The following PAXBP1 variants were observed in gnomAD, a reference collection of about 807,000 sequenced individuals.
PAXBP1 encodes PAX3 and PAX7 binding protein 1.
A neutral mutation model predicts 119.9 loss-of-function variants in PAXBP1; 44 were observed. The observed-to-expected ratio is 0.37, with a 90% CI of 0.29 to 0.47. PAXBP1 has a LOEUF of 0.47. Ranked by LOEUF, PAXBP1 falls within the 20% of genes least tolerant of loss-of-function variation. The probability of loss-of-function intolerance (pLI) is 0.99; values close to 1 mark genes in which losing one functional copy is unlikely to be tolerated. For missense variants in PAXBP1, 898 were observed against 1,134.1 expected (o/e 0.79, Z 2.99); for synonymous variants, 393 against 406.6 (o/e 0.97, Z 0.40).
intron 17 of PAXBP1, among the ~76,000 whole-genome samples, chr21:32,736,369 A>C (rs1030560501): frequency 1.3e-5 from 2 of 152,034 alleles, no homozygotes; most frequent in African/African-American, 4.8e-5. Flanking sequence ...TTGTATTTTT[A>C]GTAGAAACAG....
At chr21:32,742,074 G>A (rs2043794842) in intron 15 of PAXBP1, among the ~76,000 whole-genome samples, 1 of 152,142 alleles carries the variant, frequency 6.6e-6, no homozygotes, top group Non-Finnish European at 1.5e-5. Flanking sequence ...CTGGGAGGTG[G>A]CCAGGGGCTT....
intron 16 of PAXBP1, 179 bp from the exon 17 acceptor site, chr21:32,737,587 T>A: frequency 2.2e-6 from 1 of 462,082 alleles, no homozygotes; most frequent in Non-Finnish European, 3.6e-6. Context: ...TAAACCAATA[T>A]ACCTAAATTT....
rs568437930 is a variant in PAXBP1 at position 32,749,581 on chromosome 21, G to T, written c.1724-883C>A. 2.6e-5 allele frequency among the ~76,000 whole-genome samples: 4 copies of T among 152,176 alleles called. No homozygotes were observed. In the East Asian group the frequency reaches 7.7e-4, roughly 29 times the overall value. ...AGATAAAGTTCTGAGAACCTTTACT[G>T]CAAGATCAATCTTAACATTGCTAAT... On this transcript the variant is annotated intron_variant, in intron 10 of 17. Coordinates refer to ENST00000331923, the MANE Select transcript of PAXBP1 (RefSeq NM_016631.4).
At chr21:32,753,956 C>T (rs2044003256) in intron 8 of PAXBP1, among the ~76,000 whole-genome samples, 1 of 152,164 alleles carries the variant, frequency 6.6e-6, no homozygotes, top group South Asian at 2.1e-4. Flanking sequence ...CCCCAGAAAT[C>T]TGGTTCTGTC....
intron 11 of PAXBP1, among the ~76,000 whole-genome samples, chr21:32,746,220 G>A (rs1437013424): frequency 1.3e-5 from 2 of 152,102 alleles, no homozygotes; most frequent in Non-Finnish European, 2.9e-5. Context: ...AAGATTTCAC[G>A]ACAAAAACAC....
chr21:32,747,913 T>C (rs1385571310), intron 11 of PAXBP1, among the ~76,000 whole-genome samples: 2 of 151,760 alleles, frequency 1.3e-5, no homozygotes, highest in South Asian at 2.1e-4. Flanking sequence ...GCCCCCGAAG[T>C]AGCTAGGAAT....
chr21:32,760,898 C>CGTGTGTGTGTGT (rs759882630), intron 5 of PAXBP1, among the ~76,000 whole-genome samples, 161 bp downstream of exon 5: 12 of 121,596 alleles, frequency 9.9e-5, no homozygotes, highest in African/African-American at 3.2e-4. Flanking sequence ...TGTGTGCGTG[C>CGTGTGTGTGTGT]GTGCGTGTGT....
Position 32,767,692 on chromosome 21 carries a change from T to C in PAXBP1, c.472+2122A>G, listed in dbSNP as rs1048671998. On this transcript the variant is annotated intron_variant, in intron 2 of 17. Coordinates refer to ENST00000331923, the MANE Select transcript of PAXBP1 (RefSeq NM_016631.4). The stretch of plus-strand genomic sequence containing the variant: ...CCGCTTTTGCTTCCTCCTCATTTTC[T>C]CTTGCTGCCGCCATGTAAAAAGTGC... Among the ~76,000 whole-genome samples, 10 of 152,318 alleles carry C rather than the reference T, an allele frequency of 6.6e-5. 1 individual carries two copies. In the South Asian group the frequency reaches 8.3e-4, roughly 13 times the overall value.
At chr21:32,767,386 G>C (rs555816812) in intron 2 of PAXBP1, among the ~76,000 whole-genome samples, 2 of 152,180 alleles carry the variant, frequency 1.3e-5, no homozygotes, top group Admixed American at 1.3e-4. Context: ...CTAGTGAGTG[G>C]AGTATCAGAA....
At chr21:32,753,424 T>A (rs1049428345) in intron 8 of PAXBP1, among the ~76,000 whole-genome samples, 3 of 48,616 alleles carry the variant, frequency 6.2e-5, no homozygotes, top group Admixed American at 2.9e-4. Flanking sequence ...AGACTCCGTC[T>A]CAAAAAAAAA....
chr21:32,736,516 T>C (rs1225172513), intron 17 of PAXBP1, among the ~76,000 whole-genome samples: 9 of 152,120 alleles, frequency 5.9e-5, no homozygotes, highest in African/African-American at 2.2e-4. Context: ...TTTAATTTTA[T>C]TGTGGAAAAA....
At chr21:32,771,196 C>T (rs1409052021) in intron 1 of PAXBP1, 130 bp downstream of exon 1, 3 of 886,894 alleles carry the variant, frequency 3.4e-6, no homozygotes, top group Non-Finnish European at 4.7e-6. Context: ...GGAAGATTCG[C>T]AGCCGGTCGG....
Position 32,771,709 on chromosome 21 carries a change from C to A in PAXBP1, c.-41G>T, listed in dbSNP as rs1380498634. ...GGCGGTCGAATACTCGCTTCCACAC[C>A]GCGGCCCCGGCAGCGCCGAGCTCGT... is the stretch of plus-strand genomic sequence containing the variant. On this transcript the variant is annotated 5_prime_UTR_variant, in exon 1 of 18. Transcript: ENST00000331923. 3.0e-6 allele frequency: 4 copies of A among 1,343,756 alleles called. No individual in the cohort carries two copies. The African/African-American group carries it at 6.1e-5, about 21-fold the overall frequency. 83.2% of individuals were successfully genotyped at this position (1,343,756 alleles called of 1,614,324 possible).
Position 32,771,533 on chromosome 21 carries a change from C to A in PAXBP1, c.136G>T (p.Gly46Cys). ...TCCCCGCCAGGGGCCCTGTCGCCGC[C>A]ACCGGGGCCCGCCTCTTCGCCCGTG... ...PGTGEEAGPG[G>C]GDRAPGGESL... Residue 46 changes from glycine (G) to cysteine (C), a missense_variant, in exon 1 of 18, where the codon GGC becomes TGC. Physicochemically the swap from Gly to Cys is radical, Grantham distance 159. Transcript: ENST00000331923. The A allele has an allele frequency of 7.4e-7, 1 of 1,353,760 alleles. No homozygotes were observed. The highest frequency in any genetic ancestry group is 9.4e-7 in the Non-Finnish European group (1 of 1,059,178). 83.9% of individuals were successfully genotyped at this position (1,353,760 alleles called of 1,614,324 possible).
intron 15 of PAXBP1, among the ~76,000 whole-genome samples, chr21:32,740,625 A>G (rs1016340789): frequency 2.0e-5 from 3 of 152,198 alleles, no homozygotes; most frequent in African/African-American, 7.2e-5. Flanking sequence ...TAAATGTAAA[A>G]CCTAAAACTA....
chr21:32,759,976 C>A lies in PAXBP1; in HGVS notation c.994G>T (p.Ala332Ser). The A allele has an allele frequency of 6.2e-7, 1 of 1,613,556 alleles. No homozygotes were observed. Among genetic ancestry groups the A allele is most frequent in the Non-Finnish European group, 8.5e-7 (1 of 1,179,654 alleles). The change falls in exon 6 of 18, where the codon GCA becomes TCA. Residue 332 changes from alanine (A) to serine (S), a missense_variant. Ala to Ser is a moderately conservative substitution (Grantham distance 99, BLOSUM62 1). Around this residue, in one of 2 missense-constraint regions of PAXBP1, gnomAD observed 599 missense variants for 852.7 expected, o/e 0.70. Transcript: ENST00000331923. ...NIPQVQASQP[A>S]EVNMYYQNTY... ...TTCTGGTAGTACATATTCACTTCTG[C>A]GGGTTGACTGGCTTGAACCTAGAAA...
At chr21:32,761,741 C>T (rs1045168945) in intron 4 of PAXBP1, among the ~76,000 whole-genome samples, 28 of 151,916 alleles carry the variant, frequency 1.8e-4, no homozygotes, top group Admixed American at 6.6e-5. Flanking sequence ...CCTGTAATCC[C>T]AGCACTTTGG....
At chr21:32,761,288 T>C (rs2044141434) in intron 4 of PAXBP1, 126 bp from the exon 5 acceptor site, 2 of 726,874 alleles carry the variant, frequency 2.8e-6, no homozygotes, top group Non-Finnish European at 4.7e-6. Flanking sequence ...ATGTCTAATA[T>C]GATCTCCTCT....
intron 3 of PAXBP1, among the ~76,000 whole-genome samples, chr21:32,763,156 C>A (rs1398963567): frequency 3.9e-5 from 6 of 151,998 alleles, no homozygotes; most frequent in Non-Finnish European, 7.4e-5. Context: ...TTAACATTTT[C>A]TGCATAGATA....
Sources: allele counts gnomAD v4.1 joint callset (sites outside exome capture counted in the v4.1 genomes callset), GRCh38; gene constraint gnomAD v4.1.1; regional missense constraint gnomAD v4.1.1; transcripts MANE v1.5; gene names NCBI Gene and HGNC (gene_info 2026-07-23, HGNC 2026-07-21).